RBKS: variants seen among roughly 807,000 people sequenced by gnomAD.
RBKS encodes ribokinase.
In RBKS, 33 loss-of-function variants were observed where a neutral mutation model predicts 33.9. The observed-to-expected ratio is 0.97, with a 90% CI of 0.74 to 1.30. RBKS has a LOEUF of 1.30. Among genes scored for constraint, RBKS ranks in the 50% most tolerant of loss-of-function variants. RBKS has a pLI of 0.00. For synonymous variants in RBKS, 125 were observed against 143.0 expected (o/e 0.87, Z 0.90); for missense variants, 361 against 392.6 (o/e 0.92, Z 0.68).
At chr2:27,817,999 G>A (rs1490667762) in intron 7 of RBKS, among the ~76,000 whole-genome samples, 3 of 152,112 alleles carry the variant, frequency 2.0e-5, no homozygotes, top group Admixed American at 6.5e-5. Flanking sequence ...ATATCACCAC[G>A]TGGTCCTGCT....
chr2:27,789,869 TGTG>T (rs1416212731), intron 7 of RBKS, among the ~76,000 whole-genome samples: 75 of 110,650 alleles, frequency 6.8e-4, no homozygotes, highest in African/African-American at 2.8e-3. Flanking sequence ...GGCCAGCTGA[TGTG>T]TGTGTGTGTG....
intron 2 of RBKS, among the ~76,000 whole-genome samples, chr2:27,849,580 A>G (rs13033971): frequency 3.6e-5 from 5 of 137,222 alleles, no homozygotes; most frequent in Non-Finnish European, 7.7e-5. Context: ...AAAAAAAAAA[A>G]AAAAAAGAAA....
intron 2 of RBKS, among the ~76,000 whole-genome samples, chr2:27,854,888 T>C (rs1228240055): frequency 6.6e-6 from 1 of 152,132 alleles, no homozygotes; most frequent in African/African-American, 2.4e-5. Context: ...ATCAGTGTAA[T>C]AAACATCCAT....
At chr2:27,855,554 T>C (rs1558551438) in intron 2 of RBKS, among the ~76,000 whole-genome samples, 1 of 152,254 alleles carries the variant, frequency 6.6e-6, no homozygotes, top group Non-Finnish European at 1.5e-5. Flanking sequence ...TTAAGAAAGA[T>C]GTCCTAATAG....
intron 1 of RBKS, among the ~76,000 whole-genome samples, chr2:27,864,794 T>C (rs1047970713): frequency 1.3e-5 from 2 of 152,192 alleles, no homozygotes; most frequent in Non-Finnish European, 2.9e-5. Context: ...TTGGAGCCTA[T>C]ATAGGACATT....
intron 7 of RBKS, among the ~76,000 whole-genome samples, chr2:27,791,600 C>T (rs538932069): frequency 2.4e-4 from 35 of 146,808 alleles, no homozygotes; most frequent in Non-Finnish European, 3.7e-4. Flanking sequence ...TGTGTCAATT[C>T]CCATAATAAA....
intron 5 of RBKS, among the ~76,000 whole-genome samples, chr2:27,836,076 T>G (rs1197823871): frequency 2.0e-5 from 3 of 152,114 alleles, no homozygotes; most frequent in East Asian, 3.9e-4. Context: ...TTGCCAGGCG[T>G]GGTGGCATGC....
Position 27,805,460 on chromosome 2 carries a change from A to G in RBKS, c.795+22107T>C, listed in dbSNP as rs1005453692. 2.0e-5 allele frequency among the ~76,000 whole-genome samples: 3 copies of G among 152,244 alleles called. No homozygotes were observed. In the East Asian group the frequency reaches 5.8e-4, roughly 29 times the overall value. ...TGCTGGTGTGTGCCATGTTCCAGGC[A>G]TAAGAGCTTCAGTATCCACACAACA... On this transcript the variant is annotated intron_variant, in intron 7 of 7. Coordinates refer to ENST00000302188, the MANE Select transcript of RBKS (RefSeq NM_022128.3).
intron 1 of RBKS, among the ~76,000 whole-genome samples, chr2:27,865,995 C>T (rs56183370): frequency 6.6e-6 from 1 of 151,978 alleles, no homozygotes; most frequent in Non-Finnish European, 1.5e-5. Flanking sequence ...TGTATTTACC[C>T]ATATATTTAC....
intron 7 of RBKS, among the ~76,000 whole-genome samples, chr2:27,783,443 T>C (rs1351718144): frequency 6.6e-6 from 1 of 152,216 alleles, no homozygotes; most frequent in East Asian, 1.9e-4. Context: ...ATCAAGTTTC[T>C]TTCCATTTTC....
chr2:27,804,218 GAT>G (rs1677855376), intron 7 of RBKS, among the ~76,000 whole-genome samples: 1 of 152,074 alleles, frequency 6.6e-6, no homozygotes, highest in Non-Finnish European at 1.5e-5. Context: ...ACAACTTTGA[GAT>G]ATAATTAATA....
At chr2:27,874,007 GAAGGT>G (rs1389780824) in intron 1 of RBKS, among the ~76,000 whole-genome samples, 1 of 152,134 alleles carries the variant, frequency 6.6e-6, no homozygotes. Flanking sequence ...AAATCATAAA[GAAGGT>G]AAGGCAAGGC....
intron 7 of RBKS, among the ~76,000 whole-genome samples, chr2:27,801,318 G>A (rs1369080523): frequency 6.6e-6 from 1 of 151,938 alleles, no homozygotes; most frequent in African/African-American, 2.4e-5. Flanking sequence ...GAACAGAAGG[G>A]CCCTGCCTAC....
At chr2:27,824,431 T>C (rs942927914) in intron 7 of RBKS, among the ~76,000 whole-genome samples, 1 of 152,210 alleles carries the variant, frequency 6.6e-6, no homozygotes, top group African/African-American at 2.4e-5. Context: ...GCTCTGTATC[T>C]ATGGATTGAT....
intron 1 of RBKS, among the ~76,000 whole-genome samples, chr2:27,865,705 T>C (rs1044488612): frequency 1.3e-5 from 2 of 151,350 alleles, no homozygotes; most frequent in African/African-American, 4.9e-5. Flanking sequence ...TAAGTCACCA[T>C]GCCTGGCTGA....
chr2:27,887,716 AG>A, intron 1 of RBKS, among the ~76,000 whole-genome samples: 1 of 43,280 alleles, frequency 2.3e-5, no homozygotes, highest in South Asian at 9.1e-4. Flanking sequence ...AATTTTTACT[AG>A]TGATTTTGCT....
intron 7 of RBKS, among the ~76,000 whole-genome samples, chr2:27,785,886 G>T (rs963263333): frequency 6.6e-6 from 1 of 152,162 alleles, no homozygotes; most frequent in Non-Finnish European, 1.5e-5. Flanking sequence ...GTACAAAGAT[G>T]CTTATTGCTG....
chr2:27,800,049 C>CT (rs35932747), intron 7 of RBKS, among the ~76,000 whole-genome samples: 1,546 of 112,338 alleles, frequency 0.014, 25 homozygotes, highest in Middle Eastern at 0.034. Flanking sequence ...TGTTAGGTGT[C>CT]TTTTTTTTTT....
chr2:27,816,551 T>G, intron 7 of RBKS, among the ~76,000 whole-genome samples: 1 of 152,020 alleles, frequency 6.6e-6, no homozygotes. Flanking sequence ...TGTAACTTAG[T>G]TTTTTTTGGC....
Sources: allele counts gnomAD v4.1 joint callset (sites outside exome capture counted in the v4.1 genomes callset), GRCh38; gene constraint gnomAD v4.1.1; transcripts MANE v1.5; gene names NCBI Gene and HGNC (gene_info 2026-07-23, HGNC 2026-07-21).